Variants in GRIN2B observed in about 807,000 individuals in gnomAD.
The protein encoded by GRIN2B is glutamate ionotropic receptor NMDA type subunit 2B.
In GRIN2B, 5 loss-of-function variants were observed where a neutral mutation model predicts 114.5. The ratio of observed to expected loss-of-function variants is 0.04; its 90% CI spans 0.02 to 0.09. GRIN2B has a LOEUF of 0.09. Among genes scored for constraint, GRIN2B ranks in the 10% least tolerant of loss-of-function variants. The pLI is 1.00. For missense variants in GRIN2B, 1,108 were observed against 1,943.5 expected (o/e 0.57, Z 8.08); for synonymous variants, 787 against 745.1 (o/e 1.06, Z -0.92).
At chr12:13,804,966 G>A (rs564348950) in intron 3 of GRIN2B, among the ~76,000 whole-genome samples, 2 of 152,252 alleles carry the variant, frequency 1.3e-5, no homozygotes, top group African/African-American at 2.4e-5. Flanking sequence ...TGGTCATTAA[G>A]TTTTCCCCTG....
At chr12:13,666,117 A>G (rs1454033478) in intron 5 of GRIN2B, among the ~76,000 whole-genome samples, 1 of 152,210 alleles carries the variant, frequency 6.6e-6, no homozygotes, top group Non-Finnish European at 1.5e-5. Flanking sequence ...GTGCACCTGG[A>G]GAATAGGGCA....
At chr12:13,588,342 C>T (rs147969591) in intron 10 of GRIN2B, among the ~76,000 whole-genome samples, 35 of 152,226 alleles carry the variant, frequency 2.3e-4, no homozygotes, top group Non-Finnish European at 4.1e-4. Flanking sequence ...TAGACATGAC[C>T]AGTTGTTGGG....
chr12:13,607,197 A>G (rs1949266896), intron 10 of GRIN2B, among the ~76,000 whole-genome samples: 1 of 116,178 alleles, frequency 8.6e-6, no homozygotes, highest in Admixed American at 1.3e-4. Flanking sequence ...TATAAAAAAT[A>G]TATATAATAT....
chr12:13,724,738 C>A (rs61912099), intron 4 of GRIN2B, among the ~76,000 whole-genome samples: 17,155 of 151,988 alleles, frequency 0.11, 1,262 homozygotes, highest in Non-Finnish European at 0.16. Context: ...ATTGGCTTTA[C>A]CCCCTTCCAC....
At chr12:13,751,934 A>T (rs1191907685) in intron 4 of GRIN2B, among the ~76,000 whole-genome samples, 1 of 152,146 alleles carries the variant, frequency 6.6e-6, no homozygotes, top group African/African-American at 2.4e-5. Flanking sequence ...GAAACCAGAG[A>T]GGTAGAAGAA....
intron 3 of GRIN2B, among the ~76,000 whole-genome samples, chr12:13,803,234 T>C (rs912328485): frequency 6.6e-6 from 1 of 152,184 alleles, no homozygotes; most frequent in African/African-American, 2.4e-5. Flanking sequence ...AACAGTAGGC[T>C]GTTAGTAGTT....
intron 10 of GRIN2B, among the ~76,000 whole-genome samples, chr12:13,582,427 C>G (rs7968084): frequency 1.3e-5 from 2 of 152,206 alleles, no homozygotes; most frequent in Non-Finnish European, 2.9e-5. Context: ...ATGAATCTGA[C>G]GACATTTTGC....
intron 2 of GRIN2B, among the ~76,000 whole-genome samples, chr12:13,887,756 CGAAAA>C (rs1866189947): frequency 6.6e-6 from 1 of 152,146 alleles, no homozygotes; most frequent in South Asian, 2.1e-4. Flanking sequence ...GGAGCAATCT[CGAAAA>C]GAAGAGAGGG....
At chr12:13,645,125 C>T (rs74067244) in intron 5 of GRIN2B, among the ~76,000 whole-genome samples, 10,451 of 152,174 alleles carry the variant, frequency 0.069, 582 homozygotes, top group African/African-American at 0.16. Context: ...CATGAGGCTT[C>T]CTCACTAAGC....
chr12:13,590,327 T>C (rs1948989142), intron 10 of GRIN2B, among the ~76,000 whole-genome samples: 1 of 152,098 alleles, frequency 6.6e-6, no homozygotes, highest in Non-Finnish European at 1.5e-5. Context: ...ACCTATCAAT[T>C]CCCCATCTAG....
chr12:13,662,333 T>C (rs1026966785), intron 5 of GRIN2B, among the ~76,000 whole-genome samples: 2 of 152,156 alleles, frequency 1.3e-5, no homozygotes, highest in African/African-American at 4.8e-5. Context: ...GCAGAGGACT[T>C]GTGGACATAA....
chr12:13,750,495 A>G (rs1044412312), intron 4 of GRIN2B, among the ~76,000 whole-genome samples: 2 of 152,356 alleles, frequency 1.3e-5, no homozygotes, highest in Admixed American at 1.3e-4. Context: ...ATGAGCTTTA[A>G]GGTAACATTC....
intron 3 of GRIN2B, among the ~76,000 whole-genome samples, chr12:13,793,685 G>A (rs1351655169): frequency 6.6e-6 from 1 of 152,168 alleles, no homozygotes; most frequent in African/African-American, 2.4e-5. Flanking sequence ...ACTGGTTACA[G>A]TTTAGAAAGG....
chr12:13,932,398 A>T (rs1215477299), intron 2 of GRIN2B, among the ~76,000 whole-genome samples: 2 of 152,234 alleles, frequency 1.3e-5, no homozygotes, highest in African/African-American at 4.8e-5. Context: ...ATTAATATTT[A>T]TGTCCTCCAC....
chr12:13,795,931 G>A (rs368560325), intron 3 of GRIN2B, among the ~76,000 whole-genome samples: 7 of 152,028 alleles, frequency 4.6e-5, no homozygotes, highest in Admixed American at 6.5e-5. Flanking sequence ...AGGGCCTGTC[G>A]TGGGGTGAGG....
rs560729666 is a variant in GRIN2B, at chr12:13,785,443, T to C, written c.412-31528A>G. ...GCCCAAACACCCTTTTCCAGGCTGGTCTCACACCACAACTCCCACATGCCT... is the reference window on the plus strand; with the variant it reads ...GCCCAAACACCCTTTTCCAGGCTGGCCTCACACCACAACTCCCACATGCCT... On this transcript the variant is annotated intron_variant, in intron 3 of 13. Coordinates refer to ENST00000609686, the MANE Select transcript of GRIN2B (RefSeq NM_000834.5). Among the ~76,000 whole-genome samples, 6 of 152,218 alleles carry C rather than the reference T, an allele frequency of 3.9e-5. No individual in the cohort carries two copies. The South Asian group carries it at 1.2e-3, about 32-fold the overall frequency.
rs1565453926 is a variant in GRIN2B, at chr12:13,563,814, T to C, written c.3424A>G (p.Asn1142Asp). ...TCTACGTGCTCCCAGTGGGGTGAGT[T>C]CTCCTTTGTTCGGAACTGGTCCAGG... ...FYLDQFRTKENSPHWEHVDLT... is the reference protein window; with the variant it reads ...FYLDQFRTKEDSPHWEHVDLT... The change falls in exon 14 of 14, where the codon AAC becomes GAC. Residue 1142 changes from asparagine (N) to aspartate (D), a missense_variant. Coordinates refer to ENST00000609686, the MANE Select transcript of GRIN2B (RefSeq NM_000834.5). 1.6e-5 allele frequency: 26 copies of C among 1,614,128 alleles called. No individual in the cohort carries two copies. The highest frequency in any genetic ancestry group is 2.2e-5 in the Non-Finnish European group (26 of 1,180,010).
chr12:13,867,155 C>A (rs1865841091), intron 2 of GRIN2B, among the ~76,000 whole-genome samples: 1 of 152,164 alleles, frequency 6.6e-6, no homozygotes, highest in Non-Finnish European at 1.5e-5. Context: ...AATGTTAGAG[C>A]CACATTTGAA....
At chr12:13,756,887 G>C (rs1309152116) in intron 3 of GRIN2B, among the ~76,000 whole-genome samples, 2 of 152,176 alleles carry the variant, frequency 1.3e-5, no homozygotes, top group African/African-American at 4.8e-5. Context: ...CCCTCTGTTA[G>C]GCTTCTCTTA....
Sources: allele counts gnomAD v4.1 joint callset (sites outside exome capture counted in the v4.1 genomes callset), GRCh38; gene constraint gnomAD v4.1.1; transcripts MANE v1.5; gene names NCBI Gene and HGNC (gene_info 2026-07-23, HGNC 2026-07-21).